The following KIFC1 variants were observed in gnomAD, a reference collection of about 807,000 sequenced individuals.
KIFC1 encodes kinesin family member C1, also known as kinesin-like protein KIFC1.
A neutral mutation model predicts 66.6 loss-of-function variants in KIFC1; 37 were observed. That is an observed-to-expected ratio of 0.56 (90% CI 0.43 to 0.73). KIFC1 has a LOEUF of 0.73. Ranked by LOEUF, KIFC1 falls within the 30% of genes least tolerant of loss-of-function variation. KIFC1 has a pLI of 0.00. For missense variants in KIFC1, 721 were observed against 859.8 expected (o/e 0.84, Z 2.02); for synonymous variants, 325 against 343.5 (o/e 0.95, Z 0.60).
rs879041071 is a variant in KIFC1, at chr6:33,409,705, C to CTCTCTGTG, written c.*16_*17insCTCTGTGT. On this transcript the variant is annotated 3_prime_UTR_variant, in exon 11 of 11. Coordinates refer to ENST00000428849, the MANE Select transcript of KIFC1 (RefSeq NM_002263.4). ...ACAGGAAGTGAAGACGGATCCAGAT[C>CTCTCTGTG]TGTGTGTGTGTGTGTGTGTGTGTGT... is the stretch of plus-strand genomic sequence containing the variant. 2.2e-4 allele frequency: 276 copies of CTCTCTGTG among 1,264,438 alleles called. 2 individuals are homozygous for CTCTCTGTG. Among genetic ancestry groups the CTCTCTGTG allele is most frequent in the African/African-American group, 6.0e-4 (32 of 53,592 alleles). 78.3% of individuals were successfully genotyped at this position (1,264,438 alleles called of 1,614,324 possible). A position where few individuals can be genotyped will look rare whatever the true frequency, so the allele number is the denominator to read the frequency against.
At position 33,398,126 on chromosome 6, in the gene KIFC1, G is replaced by A; in HGVS notation, c.110G>A (p.Arg37Lys). 6.2e-7 allele frequency: 1 copy of A among 1,614,188 alleles called. No individual in the cohort carries two copies. Among genetic ancestry groups the A allele is most frequent in the East Asian group, 2.2e-5 (1 of 44,878 alleles). The part of the protein sequence containing the change: ...QLPLSGSRLK[R>K]RPDQMEDGLE... ...CCTCTCTCAGGAAGCAGACTCAAGAGGAGGCCTGACCAGATGGAAGATGGC... is the reference window on the plus strand; with the variant it reads ...CCTCTCTCAGGAAGCAGACTCAAGAAGAGGCCTGACCAGATGGAAGATGGC... The change falls in exon 2 of 11, where the codon AGG (arginine) becomes AAG (lysine). Residue 37 changes from arginine (R) to lysine (K), a missense_variant. By Grantham distance (26) the Arg-to-Lys change is conservative. Transcript: ENST00000428849.
In KIFC1 at chr6:33,403,959, C is replaced by G. The variant is rs1196104049; in HGVS notation, c.586C>G (p.Gln196Glu). 3 of 1,614,234 alleles carry G rather than the reference C, an allele frequency of 1.9e-6. No homozygotes were observed. Among genetic ancestry groups the G allele is most frequent in the Non-Finnish European group, 1.7e-6 (2 of 1,180,042 alleles). The change falls in exon 6 of 11, where the codon CAG becomes GAG. Residue 196 changes from glutamine to glutamate, a missense_variant. Physicochemically the swap from Gln to Glu is conservative, Grantham distance 29 (BLOSUM62 2). Transcript: ENST00000428849. The surrounding 1 kb of genome is among the most constrained non-coding windows in gnomAD (Gnocchi z 4.6). The stretch of plus-strand genomic sequence containing the variant: ...ACTGGAGGGGCATTTAGCCAAGGTA[C>G]AGGCCCAGGCTGAGCAGGGCCAACA... The part of the protein sequence containing the change: ...TTLEGHLAKV[Q>E]AQAEQGQQEL...
rs1775326850 is a variant in KIFC1 at position 33,400,664 on chromosome 6, T to G, written c.250+2277T>G. On this transcript the variant is annotated intron_variant, in intron 3 of 10. Transcript: ENST00000428849. The surrounding 1 kb of genome is among the most constrained non-coding windows in gnomAD (Gnocchi z 4.3). ...CGAGAGCTTCTCTCTCTTTTTTTTT[T>G]GAGATGGAGTCTCGCTCTGTCGCCC... The G allele has an allele frequency of 1.6e-6, 1 of 628,558 alleles. No homozygotes were observed. Among genetic ancestry groups the G allele is most frequent in the Non-Finnish European group, 2.8e-6 (1 of 357,336 alleles). 38.9% of individuals were successfully genotyped at this position (628,558 alleles called of 1,614,324 possible).
rs1013249501 is a variant in KIFC1, at chr6:33,403,013, A to C, written c.251-301A>C. 6.6e-6 allele frequency among the ~76,000 whole-genome samples: 1 copy of C among 152,116 alleles called. No individual in the cohort carries two copies. The highest frequency in any genetic ancestry group is 2.4e-5 in the African/African-American group (1 of 41,408). On this transcript the variant is annotated intron_variant, in intron 3 of 10. Coordinates refer to ENST00000428849, the MANE Select transcript of KIFC1 (RefSeq NM_002263.4). This position sits in a 1 kb window ranked among gnomAD's most constrained non-coding sequence, Gnocchi z 4.6. ...TCAATCAATAAATAAAGTATATGGG[A>C]GCGTGTGCATAGACTATATTTAATA...
chr6:33,399,446 T>C (rs1405585926), intron 3 of KIFC1, among the ~76,000 whole-genome samples: 1 of 152,106 alleles, frequency 6.6e-6, no homozygotes, highest in Non-Finnish European at 1.5e-5. Context: ...ATAACAGTTA[T>C]GGTCATGTGT....
chr6:33,396,684 CTT>C (rs762241830), intron 1 of KIFC1, among the ~76,000 whole-genome samples: 21 of 133,556 alleles, frequency 1.6e-4, no homozygotes, highest in African/African-American at 1.4e-4. Context: ...GAATTAATTT[CTT>C]TTTTTTTTTT....
At chr6:33,392,429 C>T (rs1432045126) in intron 1 of KIFC1, among the ~76,000 whole-genome samples, 1 of 152,184 alleles carries the variant, frequency 6.6e-6, no homozygotes, top group Admixed American at 6.5e-5. Context: ...GTGTTAATCG[C>T]CTCTCCTTAT....
rs549393048 is a variant in KIFC1 at position 33,395,454 on chromosome 6, G to T, written c.13-2575G>T. Among the ~76,000 whole-genome samples, 43 of 152,244 alleles carry T rather than the reference G, an allele frequency of 2.8e-4. 2 individuals carry two copies. Among genetic ancestry groups the T allele is most frequent in the Admixed American group, 2.7e-3 (42 of 15,278 alleles). ...GGGAATGTGATGCATATATGAAAGG[G>T]TTGCCTTAGGAGCAGGGCCATCCAC... On this transcript the variant is annotated intron_variant, in intron 1 of 10. Transcript: ENST00000428849.
chr6:33,397,069 A>C (rs970779227), intron 1 of KIFC1, among the ~76,000 whole-genome samples: 42 of 141,122 alleles, frequency 3.0e-4, no homozygotes, highest in Non-Finnish European at 3.1e-4. Context: ...GGCTCACCGC[A>C]ACCTCCACCA....
chr6:33,396,506 C>A (rs1293109542), intron 1 of KIFC1, among the ~76,000 whole-genome samples: 1 of 134,370 alleles, frequency 7.4e-6, no homozygotes, highest in Non-Finnish European at 1.5e-5. Context: ...AGTGCAGTGG[C>A]ATGATCACGG....
At chr6:33,393,778 C>T (rs1383588019) in intron 1 of KIFC1, among the ~76,000 whole-genome samples, 13 of 134,772 alleles carry the variant, frequency 9.6e-5, no homozygotes, top group Admixed American at 4.6e-4. Context: ...GAAGTAGTCA[C>T]GCTCTGTCGC....
intron 1 of KIFC1, among the ~76,000 whole-genome samples, chr6:33,393,621 T>G (rs754892333): frequency 1.7e-4 from 26 of 151,576 alleles, no homozygotes; most frequent in South Asian, 8.4e-4. Flanking sequence ...TTTGTATTTT[T>G]AATAGAGACA....
chr6:33,402,028 C>T (rs1238990767), intron 3 of KIFC1, among the ~76,000 whole-genome samples: 1 of 152,050 alleles, frequency 6.6e-6, no homozygotes, highest in Non-Finnish European at 1.5e-5. Context: ...GAATGACATG[C>T]CTGAGGCTGT....
chr6:33,409,867 T>A lies in KIFC1; in HGVS notation c.*177T>A, dbSNP rs142622704. On this transcript the variant is annotated 3_prime_UTR_variant, in exon 11 of 11. Coordinates refer to ENST00000428849, the MANE Select transcript of KIFC1 (RefSeq NM_002263.4). ...ATAAAGAATAGTTTGGTTTTTTTTT[T>A]AAATAAAGGTTTTATTAGCATTTGC... 7.8e-4 allele frequency: 493 copies of A among 631,784 alleles called. No homozygotes were observed. The East Asian group carries it at 0.012, about 16-fold the overall frequency. The allele number at this position is 631,784 out of a possible 1,614,324, so 39.1% of individuals were successfully genotyped here. A position where few individuals can be genotyped will look rare whatever the true frequency, so the allele number is the denominator to read the frequency against.
chr6:33,399,060 C>T (rs771749598), intron 3 of KIFC1, among the ~76,000 whole-genome samples: 5 of 152,210 alleles, frequency 3.3e-5, no homozygotes, highest in Non-Finnish European at 7.3e-5. Flanking sequence ...TCCGTGGGTT[C>T]TGCTTCTGCA....
At chr6:33,395,132 G>A (rs1419470764) in intron 1 of KIFC1, among the ~76,000 whole-genome samples, 1 of 152,166 alleles carries the variant, frequency 6.6e-6, no homozygotes, top group Non-Finnish European at 1.5e-5. Flanking sequence ...GGAATGGTGG[G>A]AATGAAAGCC....
intron 1 of KIFC1, among the ~76,000 whole-genome samples, chr6:33,392,571 T>C (rs1774844032): frequency 6.6e-6 from 1 of 152,186 alleles, no homozygotes; most frequent in Non-Finnish European, 1.5e-5. Flanking sequence ...TTTAGTTCTT[T>C]CTCTTAAATG....
At chr6:33,395,101 C>T (rs113724228) in intron 1 of KIFC1, among the ~76,000 whole-genome samples, 3 of 152,100 alleles carry the variant, frequency 2.0e-5, no homozygotes, top group Non-Finnish European at 4.4e-5. Context: ...TACTTGTGAT[C>T]TTGAGGATAG....
Position 33,406,645 on chromosome 6 carries a change from T to C in KIFC1, c.1881T>C (p.Ser627=), listed in dbSNP as rs371316441. The change falls in exon 9 of 11, where the codon TCT becomes TCC. Residue 627 remains serine, a synonymous_variant. Transcript: ENST00000428849. This position sits in a 1 kb window ranked among gnomAD's most constrained non-coding sequence, Gnocchi z 4.5. ...AACTGACCTACCTGCTGCAGAACTC[T>C]CTGGGTGGTAGTGCTAAGATGTGAG... is the stretch of plus-strand genomic sequence containing the variant. ...NSKLTYLLQN[S]LGGSAKMLMF... 1.2e-6 allele frequency: 2 copies of C among 1,613,812 alleles called. No individual in the cohort carries two copies. Among genetic ancestry groups the C allele is most frequent in the African/African-American group, 2.7e-5 (2 of 74,802 alleles).
Sources: allele counts gnomAD v4.1 joint callset (sites outside exome capture counted in the v4.1 genomes callset), GRCh38; gene constraint gnomAD v4.1.1; non-coding constraint Gnocchi (gnomAD v3.1); transcripts MANE v1.5; gene names NCBI Gene and HGNC (gene_info 2026-07-23, HGNC 2026-07-21).